The following ITGA5 variants were observed in gnomAD, a reference collection of about 807,000 sequenced individuals.
ITGA5 encodes integrin subunit alpha 5, also known as integrin alpha-5.
Under a neutral mutation model 146.3 loss-of-function variants are expected in ITGA5, and 55 were observed. The ratio of observed to expected loss-of-function variants is 0.38; its 90% CI spans 0.30 to 0.47. The LOEUF (loss-of-function observed/expected upper bound fraction) is 0.47. Ranked by LOEUF, ITGA5 falls within the 20% of genes least tolerant of loss-of-function variation. The pLI is 0.99. For synonymous variants in ITGA5, 500 were observed against 531.8 expected (o/e 0.94, Z 0.82); for missense variants, 1,131 against 1,329.0 (o/e 0.85, Z 2.32).
At chr12:54,415,894 A>G (rs745951061) in intron 1 of ITGA5, among the ~76,000 whole-genome samples, 1 of 152,148 alleles carries the variant, frequency 6.6e-6, no homozygotes, top group Non-Finnish European at 1.5e-5. Flanking sequence ...CTGAGCTGAG[A>G]CTGGCCTGCC....
At position 54,407,585 on chromosome 12, in the gene ITGA5, C is replaced by T; in HGVS notation, c.906+64G>A. On this transcript the variant is annotated intron_variant, in intron 9 of 29. Coordinates refer to ENST00000293379, the MANE Select transcript of ITGA5 (RefSeq NM_002205.5). ...ACCTTTTTGAGCCCTTGCAAACTGCCATGCACGGTTCTTTGTGATTAGGCA... is the reference window on the plus strand; with the variant it reads ...ACCTTTTTGAGCCCTTGCAAACTGCTATGCACGGTTCTTTGTGATTAGGCA... 2.9e-6 allele frequency: 4 copies of T among 1,392,128 alleles called. No homozygotes were observed. In the South Asian group the frequency reaches 3.5e-5, roughly 12 times the overall value. 86.2% of individuals were successfully genotyped at this position (1,392,128 alleles called of 1,614,324 possible).
rs1344611609 is a variant in ITGA5 at position 54,409,390 on chromosome 12, C to A, written c.463-38G>T. 4 of 1,608,086 alleles carry A rather than the reference C, an allele frequency of 2.5e-6. No homozygotes were observed. The South Asian group carries it at 4.4e-5, about 18-fold the overall frequency. ...AGGAGGAGGGGCCTTCAGATTCAGTCCAATAAGGCCCTTCCTCCCTCCCTC... is the reference window on the plus strand; with the variant it reads ...AGGAGGAGGGGCCTTCAGATTCAGTACAATAAGGCCCTTCCTCCCTCCCTC... On this transcript the variant is annotated intron_variant, in intron 3 of 29. Coordinates refer to ENST00000293379, the MANE Select transcript of ITGA5 (RefSeq NM_002205.5). The surrounding 1 kb of genome is among the most constrained non-coding windows in gnomAD (Gnocchi z 4.7).
At chr12:54,418,563 A>G (rs1021259724) in intron 1 of ITGA5, among the ~76,000 whole-genome samples, 2 of 151,438 alleles carry the variant, frequency 1.3e-5, no homozygotes, top group Non-Finnish European at 2.9e-5. Context: ...ACGGATCCCG[A>G]GGTCTCCTGG....
At position 54,401,831 on chromosome 12, in the gene ITGA5, CTG is replaced by C; in HGVS notation, c.2249_2250del (p.Thr750SerfsTer8). ...TTCTTAGTGTCCCGGAGATGAGGGA[CTG>C]TAAACCGAAGGCCACCCCACAGCTG... ...GASLWGGLRF[T>X]VPHLRDTKKT... On this transcript the variant is annotated frameshift_variant, in exon 22 of 30. Transcript: ENST00000293379. LOFTEE classifies it high-confidence loss of function. This position sits in a 1 kb window ranked among gnomAD's most constrained non-coding sequence, Gnocchi z 5.0. 6.2e-7 allele frequency: 1 copy of C among 1,614,176 alleles called. No individual in the cohort carries two copies. The highest frequency in any genetic ancestry group is 1.7e-5 in the Admixed American group (1 of 60,024).
intron 29 of ITGA5, 175 bp downstream of exon 29, chr12:54,397,190 A>C: frequency 1.7e-6 from 1 of 579,664 alleles, no homozygotes; most frequent in Non-Finnish European, 3.0e-6. Context: ...GCTAGGGGCT[A>C]TAGAATGAAG....
Position 54,399,871 on chromosome 12 carries a change from T to C in ITGA5, c.2720A>G (p.Gln907Arg). 1 of 1,614,106 alleles carries C rather than the reference T, an allele frequency of 6.2e-7. No individual in the cohort carries two copies. The highest frequency in any genetic ancestry group is 2.2e-5 in the East Asian group (1 of 44,882). The change falls in exon 26 of 30, where the codon CAG becomes CGG. Residue 907 changes from glutamine to arginine, a missense_variant. Coordinates refer to ENST00000293379, the MANE Select transcript of ITGA5 (RefSeq NM_002205.5). The stretch of plus-strand genomic sequence containing the variant: ...ATTCCCTGCCTGACTTACCAGGATC[T>C]GAGGTCCCGAGGAAGCAGAGCTGCG... ...PSRSSASSGP[Q>R]ILKCPEAECF...
In ITGA5 at chr12:54,403,422, C is replaced by A; in HGVS notation, c.1777-98G>T. 7.3e-7 allele frequency: 1 copy of A among 1,377,452 alleles called. No individual in the cohort carries two copies. The highest frequency in any genetic ancestry group is 2.4e-5 in the East Asian group (1 of 42,306). 85.3% of individuals were successfully genotyped at this position (1,377,452 alleles called of 1,614,324 possible). ...TCATCTCCCTTTGTCTGCTTAGGGC[C>A]CAATTCCGACCATCCTCATTGTTTC... On this transcript the variant is annotated intron_variant, in intron 17 of 29. Coordinates refer to ENST00000293379, the MANE Select transcript of ITGA5 (RefSeq NM_002205.5). This position sits in a 1 kb window ranked among gnomAD's most constrained non-coding sequence, Gnocchi z 4.9.
In ITGA5 at chr12:54,409,707, C is replaced by T. The variant is rs1955916899; in HGVS notation, c.350-110G>A. On this transcript the variant is annotated intron_variant, in intron 2 of 29. Coordinates refer to ENST00000293379, the MANE Select transcript of ITGA5 (RefSeq NM_002205.5). This position sits in a 1 kb window ranked among gnomAD's most constrained non-coding sequence, Gnocchi z 4.7. ...CAACAAACGCTTCCAAGCCCTGAGACTCCATGACTCGCTGGGAGTGTGGAA... is the reference window on the plus strand; with the variant it reads ...CAACAAACGCTTCCAAGCCCTGAGATTCCATGACTCGCTGGGAGTGTGGAA... 1 of 649,632 alleles carries T rather than the reference C, an allele frequency of 1.5e-6. No homozygotes were observed. Among genetic ancestry groups the T allele is most frequent in the African/African-American group, 1.8e-5 (1 of 54,770 alleles). 40.2% of individuals were successfully genotyped at this position (649,632 alleles called of 1,614,324 possible).
Position 54,408,578 on chromosome 12 carries a change from T to C in ITGA5, c.691+178A>G, listed in dbSNP as rs887148532. On this transcript the variant is annotated intron_variant, in intron 6 of 29. Transcript: ENST00000293379. Reference sequence around the variant, plus strand: ...CCTTCTCTACTAAAATTACAAAAATTAGCCAGGCGCGGTGGCAGGCGCCTG... The same window carrying C: ...CCTTCTCTACTAAAATTACAAAAATCAGCCAGGCGCGGTGGCAGGCGCCTG... Among the ~76,000 whole-genome samples the C allele has an allele frequency of 2.0e-5, 3 of 151,770 alleles. No individual in the cohort carries two copies. The East Asian group carries it at 5.8e-4, about 29-fold the overall frequency.
intron 27 of ITGA5, among the ~76,000 whole-genome samples, chr12:54,399,108 A>C (rs1955752654): frequency 6.6e-6 from 1 of 152,104 alleles, no homozygotes; most frequent in Non-Finnish European, 1.5e-5. Flanking sequence ...TGGCCTCCCA[A>C]AGTGCTGGGA....
chr12:54,396,413 T>C, intron 29 of ITGA5, 37 bp from the exon 30 acceptor site: 2 of 1,503,780 alleles, frequency 1.3e-6, no homozygotes, highest in Non-Finnish European at 9.3e-7. Flanking sequence ...TTAGGTACTA[T>C]GGCTGCCATT....
chr12:54,407,741 A>G (rs12312926), intron 8 of ITGA5, 49 bp from the exon 9 acceptor site: 26,136 of 1,605,404 alleles, frequency 0.016, 666 homozygotes, highest in South Asian at 0.076. Flanking sequence ...AAAGGGAAGC[A>G]GATAATGGTA....
At position 54,408,990 on chromosome 12, in the gene ITGA5, A is replaced by G. The variant is rs1955905268; in HGVS notation, c.584-36T>C. 4 of 1,597,842 alleles carry G rather than the reference A, an allele frequency of 2.5e-6. No individual in the cohort carries two copies. In the South Asian group the frequency reaches 3.3e-5, roughly 13 times the overall value. ...AGAAGGTGGTGAAAATGAGCCCTGC[A>G]TAGATGGGTCATCCAGGAAAGAAGA... On this transcript the variant is annotated intron_variant, in intron 4 of 29. Coordinates refer to ENST00000293379, the MANE Select transcript of ITGA5 (RefSeq NM_002205.5).
rs897879255 is a variant in ITGA5 at position 54,418,791 on chromosome 12, C to A, written c.218+190G>T. On this transcript the variant is annotated intron_variant, in intron 1 of 29. Coordinates refer to ENST00000293379, the MANE Select transcript of ITGA5 (RefSeq NM_002205.5). Reference sequence around the variant, plus strand: ...CTGATCTCAAACGCCAGGGCCCCTCCTCACCCGCCACGGTGCCCTCCCTAC... The same window carrying A: ...CTGATCTCAAACGCCAGGGCCCCTCATCACCCGCCACGGTGCCCTCCCTAC... Among the ~76,000 whole-genome samples, 5 of 152,212 alleles carry A rather than the reference C, an allele frequency of 3.3e-5. No individual in the cohort carries two copies. In the South Asian group the frequency reaches 8.3e-4, roughly 25 times the overall value.
At position 54,409,462 on chromosome 12, in the gene ITGA5, C is replaced by T; in HGVS notation, c.462+23G>A. On this transcript the variant is annotated intron_variant, in intron 3 of 29. Coordinates refer to ENST00000293379, the MANE Select transcript of ITGA5 (RefSeq NM_002205.5). The surrounding 1 kb of genome is among the most constrained non-coding windows in gnomAD (Gnocchi z 4.7). ...ACTGCCCATCCCCTGGCCACCACAC[C>T]ACTGAGCTTGCTGGCCCCTCACCAA... 1 of 1,610,524 alleles carries T rather than the reference C, an allele frequency of 6.2e-7. No homozygotes were observed. Among genetic ancestry groups the T allele is most frequent in the Non-Finnish European group, 8.5e-7 (1 of 1,176,862 alleles).
At position 54,419,262 on chromosome 12, in the gene ITGA5, C is replaced by G; in HGVS notation, c.-64G>C. The stretch of plus-strand genomic sequence containing the variant: ...AGCCGCTTCCTAAACCTCCCAGAGG[C>G]GAATGACTCAACGCGGGGAGGAGTT... On this transcript the variant is annotated 5_prime_UTR_variant, in exon 1 of 30. Transcript: ENST00000293379. The G allele has an allele frequency of 6.6e-7, 1 of 1,508,892 alleles. No individual in the cohort carries two copies. Among genetic ancestry groups the G allele is most frequent in the Non-Finnish European group, 9.0e-7 (1 of 1,116,092 alleles). The allele number at this position is 1,508,892 out of a possible 1,614,324, so 93.5% of individuals were successfully genotyped here.
At chr12:54,398,531 T>G in intron 28 of ITGA5, 66 bp downstream of exon 28, 1 of 1,175,150 alleles carries the variant, frequency 8.5e-7, no homozygotes, top group Non-Finnish European at 1.3e-6. Flanking sequence ...CTCACCCAAG[T>G]CCCAGCCCTG....
intron 2 of ITGA5, among the ~76,000 whole-genome samples, chr12:54,410,818 C>T (rs1351155451): frequency 1.3e-5 from 2 of 152,094 alleles, no homozygotes; most frequent in Admixed American, 6.6e-5. Flanking sequence ...TCTCTGCCTC[C>T]TGAGTTCAAG....
chr12:54,405,511 C>CT, intron 11 of ITGA5, 137 bp from the exon 12 acceptor site: 1 of 1,014,900 alleles, frequency 9.9e-7, no homozygotes, highest in Non-Finnish European at 1.5e-6. Flanking sequence ...GCTCTCAGCT[C>CT]TTTCCTTGTC....
Sources: gnomAD v4.1 joint callset for allele counts (sites outside exome capture counted in the v4.1 genomes callset) on GRCh38, gnomAD v4.1.1 for gene constraint, Gnocchi (gnomAD v3.1) non-coding constraint, MANE v1.5 for transcripts, NCBI Gene and HGNC (gene_info 2026-07-23, HGNC 2026-07-21) for gene names.